ZNF467: variants seen among roughly 807,000 people sequenced by gnomAD.
The protein encoded by ZNF467 is zinc finger protein 467, also known as zinc finger protein EZI.
In ZNF467, 51 loss-of-function variants were observed where a neutral mutation model predicts 47.8. The ratio of observed to expected loss-of-function variants is 1.07; its 90% CI spans 0.85 to 1.35. The LOEUF (loss-of-function observed/expected upper bound fraction) is 1.35, where lower values mean the gene tolerates loss of function less well. Among genes scored for constraint, ZNF467 ranks in the 40% most tolerant of loss-of-function variants. The pLI is 0.00. For synonymous variants in ZNF467, 416 were observed against 372.9 expected, an observed-to-expected ratio of 1.12 and a Z score of -1.33; for missense variants, 992 against 858.1, an observed-to-expected ratio of 1.16 and a Z score of -1.95.
At chr7:149,771,218 C>T in intron 1 of ZNF467, 144 bp from the exon 2 acceptor site, 1 of 658,972 alleles carries the variant, frequency 1.5e-6, no homozygotes, top group East Asian at 2.8e-5. Context: ...ATTTGGGAAA[C>T]TGGGTTTAGA....
At chr7:149,775,824 G>A (rs1799558794), upstream of ZNF467, among the ~76,000 whole-genome samples, 1 of 152,214 alleles carries the variant, frequency 6.6e-6, no homozygotes, top group African/African-American at 2.4e-5. Flanking sequence ...CCTCTGAGGG[G>A]CTGGTGTGGC....
In ZNF467 at chr7:149,765,218, C is replaced by A. The variant is rs1276851748; in HGVS notation, c.1284G>T (p.Glu428Asp). The A allele has an allele frequency of 4.0e-6, 6 of 1,497,536 alleles. No homozygotes were observed. The highest frequency in any genetic ancestry group is 2.5e-5 in the South Asian group (2 of 80,094). The allele number at this position is 1,497,536 out of a possible 1,614,324, so 92.8% of individuals were successfully genotyped here. A position where few individuals can be genotyped will look rare whatever the true frequency, so the allele number is the denominator to read the frequency against. Residue 428 changes from glutamate (E) to aspartate (D), a missense_variant, in exon 5 of 5, where the codon GAG becomes GAT. Physicochemically the swap from Glu to Asp is conservative, Grantham distance 45 (BLOSUM62 2). Transcript: ENST00000302017. ...PVVPQRAPSG[E>D]RSFFCPDCGR... Reference sequence around the variant, plus strand: ...CGCAGTCCGGGCAGAAGAAGGACCGCTCGCCCGAGGGGGCGCGCTGGGGCA... The same window carrying A: ...CGCAGTCCGGGCAGAAGAAGGACCGATCGCCCGAGGGGGCGCGCTGGGGCA...
chr7:149,770,348 GAGGGGGGAGGGAAGAAGGGAGAGAGGT>G lies in ZNF467; in HGVS notation c.151+65_151+91del. The G allele has an allele frequency of 4.3e-6, 3 of 691,080 alleles. No homozygotes were observed. The East Asian group carries it at 8.9e-5, about 20-fold the overall frequency. 42.8% of individuals were successfully genotyped at this position (691,080 alleles called of 1,614,324 possible). A position where few individuals can be genotyped will look rare whatever the true frequency, so the allele number is the denominator to read the frequency against. ...GAAGGAAAGAAGGAAGGGAGGGAGG[GAGGGGGGAGGGAAGAAGGGAGAGAGGT>G]AGGGAGGGCAGGAGGAAAGCAGGGG... On this transcript the variant is annotated intron_variant, in intron 3 of 4. Coordinates refer to ENST00000302017, the MANE Select transcript of ZNF467 (RefSeq NM_207336.3).
chr7:149,772,695 G>A (rs1175037429), intron 1 of ZNF467, among the ~76,000 whole-genome samples: 1 of 121,268 alleles, frequency 8.2e-6, no homozygotes, highest in African/African-American at 3.2e-5. Flanking sequence ...CCCCAGCTCC[G>A]GGGCTCACCT....
At position 149,765,681 on chromosome 7, in the gene ZNF467, C is replaced by T. The variant is rs971315279; in HGVS notation, c.821G>A (p.Cys274Tyr). 5.6e-6 allele frequency: 9 copies of T among 1,613,266 alleles called. No individual in the cohort carries two copies. The highest frequency in any genetic ancestry group is 7.6e-6 in the Non-Finnish European group (9 of 1,179,842). The change falls in exon 5 of 5, where the codon TGC (cysteine) becomes TAC (tyrosine). Residue 274 changes from cysteine (C) to tyrosine (Y), a missense_variant. Physicochemically the swap from Cys to Tyr is radical, Grantham distance 194 (BLOSUM62 -2). Transcript: ENST00000302017. ...GCGAAAGCGCTTCTCGCATTCCGTG[C>T]AGGGGAAGGGCCGCTCGCCGGTGTG... The part of the protein sequence containing the change: ...KTHTGERPFP[C>Y]TECEKRFRKK...
chr7:149,776,190 G>GTAC, upstream of ZNF467: 1 of 1,095,976 alleles, frequency 9.1e-7, no homozygotes, highest in Non-Finnish European at 1.2e-6. Flanking sequence ...CCACCCCCGG[G>GTAC]ATCCTCCCTC....
rs779742341 is a variant in ZNF467, at chr7:149,771,024, C to A, written c.9G>T (p.Glu3Asp). Reference sequence around the variant, plus strand: ...CCAGGGAGCTGAGGGCCTCCAAGGTCTCTCTCATGGTAACCCAGAGTAGCT... The same window carrying A: ...CCAGGGAGCTGAGGGCCTCCAAGGTATCTCTCATGGTAACCCAGAGTAGCT... MRETLEALSSLGF... is the reference protein window; with the variant it reads MRDTLEALSSLGF... Residue 3 changes from glutamate (E) to aspartate (D), a missense_variant, in exon 2 of 5, where the codon GAG (glutamate) becomes GAT (aspartate). Transcript: ENST00000302017. 1.2e-6 allele frequency: 2 copies of A among 1,614,014 alleles called. No individual in the cohort carries two copies. Among genetic ancestry groups the A allele is most frequent in the South Asian group, 2.2e-5 (2 of 91,076 alleles).
chr7:149,768,115 G>A (rs1489553499), intron 4 of ZNF467, among the ~76,000 whole-genome samples: 1 of 152,152 alleles, frequency 6.6e-6, no homozygotes, highest in Non-Finnish European at 1.5e-5. Context: ...CGGATCTTTT[G>A]GCATAAACTC....
rs184433702 is a variant in ZNF467 at position 149,768,388 on chromosome 7, C to T, written c.262+702G>A. Among the ~76,000 whole-genome samples the T allele has an allele frequency of 4.1e-3, 622 of 152,308 alleles. 1 individual carries two copies. Among genetic ancestry groups the T allele is most frequent in the Non-Finnish European group, 5.8e-3 (393 of 68,032 alleles). ...CACACTGTCACAAACCTTCACAAAC[C>T]GAAGCTCCTGGAGGCAAGGTGGCCT... is the stretch of plus-strand genomic sequence containing the variant. On this transcript the variant is annotated intron_variant, in intron 4 of 4. Transcript: ENST00000302017.
upstream of ZNF467, among the ~76,000 whole-genome samples, chr7:149,775,445 A>T (rs2117488646): frequency 6.6e-6 from 1 of 152,356 alleles, no homozygotes; most frequent in Admixed American, 6.5e-5. Context: ...TCAAGGCTGG[A>T]AGACCCCATC....
rs1355180923 is a variant in ZNF467 at position 149,770,588 on chromosome 7, A to C, written c.35-32T>G. 1.9e-6 allele frequency: 3 copies of C among 1,572,248 alleles called. No homozygotes were observed. In the African/African-American group the frequency reaches 4.1e-5, roughly 21 times the overall value. On this transcript the variant is annotated intron_variant, in intron 2 of 4. Transcript: ENST00000302017. ...CAGGCAGAAGGATGGGTCCAAGTAA[A>C]GCATCCAGTACAGAACAAGTAATCA...
chr7:149,765,956 G>T lies in ZNF467; in HGVS notation c.546C>A (p.His182Gln). The T allele has an allele frequency of 6.4e-7, 1 of 1,552,672 alleles. No individual in the cohort carries two copies. Among genetic ancestry groups the T allele is most frequent in the Non-Finnish European group, 8.7e-7 (1 of 1,149,228 alleles). The stretch of plus-strand genomic sequence containing the variant: ...GGCAGGCGCAGGGGCCCTCGCCCCG[G>T]TGCAGCCGCTGGTGCAGTCGCAACG... ...QLTLRLHQRL[H>Q]RGEGPCACPD... The change falls in exon 5 of 5, where the codon CAC becomes CAA. Residue 182 changes from histidine to glutamine, a missense_variant. Physicochemically the swap from His to Gln is conservative, Grantham distance 24 (BLOSUM62 0). Coordinates refer to ENST00000302017, the MANE Select transcript of ZNF467 (RefSeq NM_207336.3).
In ZNF467 at chr7:149,765,788, G is replaced by A. The variant is rs775534850; in HGVS notation, c.714C>T (p.His238=). The part of the protein sequence containing the change: ...KAHLTRHLRT[H]TGERPYPCAE... ...CGCACGGGTAGGGCCGCTCGCCCGT[G>A]TGCGTGCGCAGGTGGCGGGTCAGAT... Residue 238 remains histidine (H), a synonymous_variant, in exon 5 of 5, where the codon CAC becomes CAT. Transcript: ENST00000302017. 1.2e-6 allele frequency: 2 copies of A among 1,611,492 alleles called. No individual in the cohort carries two copies. Among genetic ancestry groups the A allele is most frequent in the Admixed American group, 1.7e-5 (1 of 59,764 alleles).
intron 4 of ZNF467, among the ~76,000 whole-genome samples, chr7:149,768,361 C>T (rs1022615492): frequency 5.3e-5 from 8 of 152,200 alleles, no homozygotes; most frequent in Non-Finnish European, 1.2e-4. Context: ...AAGTGTTGTA[C>T]ACACACTGTC....
chr7:149,770,813 C>A (rs1799378132), intron 2 of ZNF467, among the ~76,000 whole-genome samples, 186 bp downstream of exon 2: 2 of 152,206 alleles, frequency 1.3e-5, no homozygotes, highest in South Asian at 4.1e-4. Flanking sequence ...CACATATGGT[C>A]TAGAGCGCAG....
Position 149,770,564 on chromosome 7 carries a change from A to G in ZNF467, c.35-8T>C, listed in dbSNP as rs1243542835. 1.9e-6 allele frequency: 3 copies of G among 1,608,642 alleles called. No homozygotes were observed. The highest frequency in any genetic ancestry group is 2.2e-5 in the East Asian group (1 of 44,848). On this transcript the variant is annotated splice_polypyrimidine_tract_variant and splice_region_variant and intron_variant, in intron 2 of 4. Coordinates refer to ENST00000302017, the MANE Select transcript of ZNF467 (RefSeq NM_207336.3). ...GCTGTCCCACAGAGAATCCTGTTAC[A>G]GGCAGAAGGATGGGTCCAAGTAAAG...
At chr7:149,767,081 C>A (rs564070458) in intron 4 of ZNF467, among the ~76,000 whole-genome samples, 1 of 152,186 alleles carries the variant, frequency 6.6e-6, no homozygotes, top group Non-Finnish European at 1.5e-5. Context: ...GGAAGGAGCC[C>A]GGGGTCCAGA....
At position 149,765,469 on chromosome 7, in the gene ZNF467, G is replaced by T; in HGVS notation, c.1033C>A (p.Pro345Thr). 6.3e-7 allele frequency: 1 copy of T among 1,585,914 alleles called. No homozygotes were observed. The highest frequency in any genetic ancestry group is 8.6e-7 in the Non-Finnish European group (1 of 1,167,038). ...SASPHSTAPS[P>T]TPSFPGPKPF... Reference sequence around the variant, plus strand: ...TTTGGCCCGGGAAAGGATGGGGTCGGGGACGGGGCAGTGGAATGAGGAGAA... The same window carrying T: ...TTTGGCCCGGGAAAGGATGGGGTCGTGGACGGGGCAGTGGAATGAGGAGAA... Residue 345 changes from proline (P) to threonine (T), a missense_variant, in exon 5 of 5, where the codon CCG (proline) becomes ACG (threonine). Physicochemically the swap from Pro to Thr is conservative, Grantham distance 38. Coordinates refer to ENST00000302017, the MANE Select transcript of ZNF467 (RefSeq NM_207336.3).
chr7:149,769,938 A>C lies in ZNF467; in HGVS notation c.151+502T>G, dbSNP rs959481721. ...GCAATCCTTCCACCTTGGCCTCCCA[A>C]AGGGCTGAGAATACAGGCATAAGCC... On this transcript the variant is annotated intron_variant, in intron 3 of 4. Coordinates refer to ENST00000302017, the MANE Select transcript of ZNF467 (RefSeq NM_207336.3). This position sits in a 1 kb window ranked among gnomAD's most constrained non-coding sequence, Gnocchi z 5.3. 6.6e-6 allele frequency among the ~76,000 whole-genome samples: 1 copy of C among 152,138 alleles called. No homozygotes were observed. Among genetic ancestry groups the C allele is most frequent in the African/African-American group, 2.4e-5 (1 of 41,422 alleles).
Sources: gnomAD v4.1 joint callset for allele counts (sites outside exome capture counted in the v4.1 genomes callset) on GRCh38, gnomAD v4.1.1 for gene constraint, Gnocchi (gnomAD v3.1) non-coding constraint, MANE v1.5 for transcripts, NCBI Gene and HGNC (gene_info 2026-07-23, HGNC 2026-07-21) for gene names.